CYP2W1: variants seen among roughly 807,000 people sequenced by gnomAD.
The protein encoded by CYP2W1 is cytochrome P450 2W1.
Under a neutral mutation model 44.9 loss-of-function variants are expected in CYP2W1, and 51 were observed. The ratio of observed to expected loss-of-function variants is 1.14; its 90% CI spans 0.91 to 1.43. The LOEUF is 1.43. Ranked by LOEUF, CYP2W1 falls within the 40% of genes most tolerant of loss-of-function variation. CYP2W1 has a pLI of 0.00. For missense variants in CYP2W1, 746 were observed against 700.0 expected (o/e 1.07, Z -0.74); for synonymous variants, 383 against 338.3 (o/e 1.13, Z -1.45).
At chr7:986,574 G>A in intron 4 of CYP2W1, 50 bp from the exon 5 acceptor site, 3 of 1,599,730 alleles carry the variant, frequency 1.9e-6, no homozygotes, top group African/African-American at 2.7e-5. Context: ...TGCCCAGCGT[G>A]CAGCCCTGGG....
chr7:987,933 T>TGG (rs11438426), intron 7 of CYP2W1, among the ~76,000 whole-genome samples: 10 of 135,682 alleles, frequency 7.4e-5, no homozygotes, highest in Admixed American at 2.9e-4. Flanking sequence ...CTGTGTGTCC[T>TGG]GGGGGGGTCC....
At position 985,381 on chromosome 7, in the gene CYP2W1, G is replaced by A. The variant is rs1370063681; in HGVS notation, c.645+58G>A. 4 of 1,521,416 alleles carry A rather than the reference G, an allele frequency of 2.6e-6. No individual in the cohort carries two copies. The East Asian group carries it at 9.9e-5, about 38-fold the overall frequency. The allele number at this position is 1,521,416 out of a possible 1,614,324, so 94.2% of individuals were successfully genotyped here. ...TGGAGCCTGGAGTGATGGGCGTGCA[G>A]CAGGAGGACGGGGGCCCCAGTGCTG... On this transcript the variant is annotated intron_variant, in intron 4 of 8. Coordinates refer to ENST00000308919, the MANE Select transcript of CYP2W1 (RefSeq NM_017781.3).
chr7:987,956 GGGGGTCCCCTCTGTGTGTCCT>G (rs1848511336), intron 7 of CYP2W1, among the ~76,000 whole-genome samples: 1 of 104,222 alleles, frequency 9.6e-6, no homozygotes, highest in African/African-American at 6.4e-5. Context: ...TGTGTGTCCT[GGGGGTCCCCTCTGTGTGTCCT>G]GGGGGGGTCC....
rs1396605292 is a variant in CYP2W1, at chr7:983,318, G to A, written c.107G>A (p.Arg36His). ...GCTGCCCGGTGGCCCCCGGGGCCTC[G>A]CCCGCTGCCGCTCGTCGGGAACCTG... ...SPAARWPPGP[R>H]PLPLVGNLHL... The change falls in exon 1 of 9, where the codon CGC (arginine) becomes CAC (histidine). Residue 36 changes from arginine (R) to histidine (H), a missense_variant. Coordinates refer to ENST00000308919, the MANE Select transcript of CYP2W1 (RefSeq NM_017781.3). The A allele has an allele frequency of 7.8e-6, 12 of 1,539,546 alleles. No homozygotes were observed. The East Asian group carries it at 1.7e-4, about 22-fold the overall frequency.
chr7:987,354 G>A lies in CYP2W1; in HGVS notation c.966G>A (p.Val322=). 6.3e-7 allele frequency: 1 copy of A among 1,580,118 alleles called. No individual in the cohort carries two copies. The highest frequency in any genetic ancestry group is 2.3e-5 in the East Asian group (1 of 44,172). ...GCCCACCCTTTGCCCCAGGCCGGGT[G>A]CAGGAGGAGCTAGACCGCGTGCTGG... is the stretch of plus-strand genomic sequence containing the variant. ...MGRHPDVQGR[V]QEELDRVLGP... The change falls in exon 7 of 9, where the codon GTG becomes GTA. Residue 322 remains valine (V), a synonymous_variant. Transcript: ENST00000308919.
intron 7 of CYP2W1, among the ~76,000 whole-genome samples, chr7:988,013 T>TCTGTGTGTCCTGGGGGTCCCC (rs1848523410): frequency 2.1e-5 from 3 of 144,228 alleles, no homozygotes; most frequent in African/African-American, 7.8e-5. Flanking sequence ...GGGGGTCCCC[T>TCTGTGTGTCCTGGGGGTCCCC]CTGTGTGTCC....
In CYP2W1 at chr7:988,732, C is replaced by A; in HGVS notation, c.1383C>A (p.Gly461=). ...GGTACCGCCTGCTGCCCCCGCCTGG[C>A]GTCAGTCCGGCCTCCCTGGACACCA... ...LQRYRLLPPP[G]VSPASLDTTP... Residue 461 remains glycine, a synonymous_variant, in exon 9 of 9, where the codon GGC becomes GGA. Coordinates refer to ENST00000308919, the MANE Select transcript of CYP2W1 (RefSeq NM_017781.3). 1 of 1,599,490 alleles carries A rather than the reference C, an allele frequency of 6.3e-7. No homozygotes were observed. The highest frequency in any genetic ancestry group is 8.5e-7 in the Non-Finnish European group (1 of 1,179,580).
Position 985,196 on chromosome 7 carries a change from G to C in CYP2W1, c.518G>C (p.Trp173Ser), listed in dbSNP as rs566834079. The change falls in exon 4 of 9, where the codon TGG (tryptophan) becomes TCG (serine). Residue 173 changes from tryptophan to serine, a missense_variant. By Grantham distance (177) the Trp-to-Ser change is radical. Transcript: ENST00000308919. ...GRPFPLALLG[W>S]APSNITFALL... ...CCCTTCCCGCTGGCCCTACTGGGCT[G>C]GGCTCCCTCCAATATCACCTTCGCG... is the stretch of plus-strand genomic sequence containing the variant. 1.3e-6 allele frequency: 2 copies of C among 1,567,176 alleles called. No homozygotes were observed. The highest frequency in any genetic ancestry group is 3.8e-5 in the Admixed American group (2 of 52,234).
chr7:985,308 G>A lies in CYP2W1; in HGVS notation c.630G>A (p.Gly210=). Residue 210 remains glycine, a synonymous_variant, in exon 4 of 9, where the codon GGG becomes GGA. Transcript: ENST00000308919. The part of the protein sequence containing the change: ...GLIDEVMVLL[G]SPGLQLFNVY... ...TCGATGAGGTCATGGTCCTCTTGGG[G>A]TCCCCTGGCCTGCAGGTGAGGAGCT... 1 of 1,551,058 alleles carries A rather than the reference G, an allele frequency of 6.4e-7. No individual in the cohort carries two copies. Among genetic ancestry groups the A allele is most frequent in the Non-Finnish European group, 8.7e-7 (1 of 1,147,140 alleles).
rs762884513 is a variant in CYP2W1 at position 988,262 on chromosome 7, C to T, written c.1144-15C>T. 20 of 1,564,142 alleles carry T rather than the reference C, an allele frequency of 1.3e-5. No individual in the cohort carries two copies. The highest frequency in any genetic ancestry group is 4.5e-5 in the East Asian group (2 of 44,260). ...CCCCGGGGCCCCTCTCTCTGTGCCCCGGCTGCCCCCACAGGGCACGCCCGT... is the reference window on the plus strand; with the variant it reads ...CCCCGGGGCCCCTCTCTCTGTGCCCTGGCTGCCCCCACAGGGCACGCCCGT... On this transcript the variant is annotated splice_polypyrimidine_tract_variant and intron_variant, in intron 7 of 8. Coordinates refer to ENST00000308919, the MANE Select transcript of CYP2W1 (RefSeq NM_017781.3).
At chr7:986,927 A>G in intron 5 of CYP2W1, 130 bp downstream of exon 5, 1 of 1,322,282 alleles carries the variant, frequency 7.6e-7, no homozygotes, top group Non-Finnish European at 1.0e-6. Context: ...GGGGCCTCTC[A>G]GAGCCTCAGT....
chr7:985,029 C>A lies in CYP2W1; in HGVS notation c.417C>A (p.Gly139=), dbSNP rs1171659577. 1 of 1,612,162 alleles carries A rather than the reference C, an allele frequency of 6.2e-7. No homozygotes were observed. The highest frequency in any genetic ancestry group is 1.1e-5 in the South Asian group (1 of 91,066). ...GTGCCCTGCACAGCCTGGGCGTGGG[C>A]CGGGAGCCGGTGGCTGACAAGATTC... ...TVRALHSLGV[G]REPVADKILQ... is the part of the protein sequence containing the mutation. Residue 139 remains glycine (G), a synonymous_variant, in exon 3 of 9, where the codon GGC becomes GGA. Transcript: ENST00000308919.
At position 984,778 on chromosome 7, in the gene CYP2W1, T is replaced by G. The variant is rs114196494; in HGVS notation, c.338-172T>G. Among the ~76,000 whole-genome samples the G allele has an allele frequency of 2.6e-3, 401 of 152,230 alleles. 2 individuals are homozygous for G. The highest frequency in any genetic ancestry group is 8.7e-3 in the African/African-American group (360 of 41,542). ...TCAGAACCAGCAAGCGGGGTTCTTTTCATCCCAAGTCAAGAGGGGCCAGGG... is the reference window on the plus strand; with the variant it reads ...TCAGAACCAGCAAGCGGGGTTCTTTGCATCCCAAGTCAAGAGGGGCCAGGG... On this transcript the variant is annotated intron_variant, in intron 2 of 8. Coordinates refer to ENST00000308919, the MANE Select transcript of CYP2W1 (RefSeq NM_017781.3).
At chr7:984,177 A>G (rs952480090) in intron 1 of CYP2W1, among the ~76,000 whole-genome samples, 1 of 152,208 alleles carries the variant, frequency 6.6e-6, no homozygotes, top group Non-Finnish European at 1.5e-5. Context: ...CTAAAAAGAA[A>G]ATCCCACAAC....
In CYP2W1 at chr7:987,098, C is replaced by A. The variant is rs1364645224; in HGVS notation, c.820-9C>A. On this transcript the variant is annotated splice_polypyrimidine_tract_variant and intron_variant, in intron 5 of 8. Coordinates refer to ENST00000308919, the MANE Select transcript of CYP2W1 (RefSeq NM_017781.3). ...ATCATCCCACGAGCCCTGCCCCACG[C>A]CTCTGCAGGGGGATGACCCCGAGGG... 6.5e-7 allele frequency: 1 copy of A among 1,526,930 alleles called. No individual in the cohort carries two copies. The highest frequency in any genetic ancestry group is 8.8e-7 in the Non-Finnish European group (1 of 1,135,038). The allele number at this position is 1,526,930 out of a possible 1,614,324, so 94.6% of individuals were successfully genotyped here.
chr7:984,251 C>T (rs932477715), intron 1 of CYP2W1, among the ~76,000 whole-genome samples, 161 bp from the exon 2 acceptor site: 5 of 152,232 alleles, frequency 3.3e-5, no homozygotes, highest in Admixed American at 1.3e-4. Context: ...CTGCCCCCTC[C>T]ACCCTGCACC....
intron 7 of CYP2W1, among the ~76,000 whole-genome samples, chr7:987,764 C>T (rs961219622): frequency 2.0e-5 from 3 of 152,156 alleles, no homozygotes; most frequent in Non-Finnish European, 2.9e-5. Flanking sequence ...TCCTGGGGTC[C>T]CCTCCGTGTG....
chr7:983,271 C>T lies in CYP2W1; in HGVS notation c.60C>T (p.Ala20=). ...GLLGLWGLLC[A]CAQDPSPAAR... ...TGGGGCTCTGGGGGCTGCTCTGCGC[C>T]TGCGCCCAAGACCCCTCCCCAGCTG... Residue 20 remains alanine (A), a synonymous_variant, in exon 1 of 9, where the codon GCC becomes GCT. Transcript: ENST00000308919. The T allele has an allele frequency of 6.5e-7, 1 of 1,543,766 alleles. No homozygotes were observed. The highest frequency in any genetic ancestry group is 8.7e-7 in the Non-Finnish European group (1 of 1,144,788).
chr7:983,434 T>C, intron 1 of CYP2W1, 49 bp downstream of exon 1: 1 of 1,381,472 alleles, frequency 7.2e-7, no homozygotes, highest in Non-Finnish European at 9.4e-7. Context: ...AGCTGCCGTG[T>C]CCTGGCCCCC....
Sources: gnomAD v4.1 joint callset for allele counts (sites outside exome capture counted in the v4.1 genomes callset) on GRCh38, gnomAD v4.1.1 for gene constraint, MANE v1.5 for transcripts, NCBI Gene and HGNC (gene_info 2026-07-23, HGNC 2026-07-21) for gene names.